The following EMP2 variants were observed in gnomAD, a reference collection of about 807,000 sequenced individuals.
EMP2 encodes epithelial membrane protein 2.
Under a neutral mutation model 13.7 loss-of-function variants are expected in EMP2, and 19 were observed. The ratio of observed to expected loss-of-function variants is 1.38; its 90% CI spans 0.97 to 2.03. The LOEUF is 2.03. EMP2 is among the 30% of genes most tolerant of loss of function. The pLI is 0.00. For synonymous variants in EMP2, 97 were observed against 84.7 expected, an observed-to-expected ratio of 1.15 and a Z score of -0.80; for missense variants, 253 against 220.7, an observed-to-expected ratio of 1.15 and a Z score of -0.93.
At chr16:10,558,115 G>A (rs1000649403) in intron 1 of EMP2, among the ~76,000 whole-genome samples, 5 of 150,758 alleles carry the variant, frequency 3.3e-5, no homozygotes, top group Non-Finnish European at 7.4e-5. Context: ...CGGCAACCTC[G>A]AACTTTTGGG....
Position 10,550,033 on chromosome 16 carries a change from G to A in EMP2, c.-60-2356C>T, listed in dbSNP as rs371062263. On this transcript the variant is annotated intron_variant, in intron 1 of 4. Transcript: ENST00000359543. ...CCTGAGTAGCTGGGACTACAGGCAC[G>A]TGTCACCACGCCCAGCTAATTTTTG... Among the ~76,000 whole-genome samples, 6 of 151,578 alleles carry A rather than the reference G, an allele frequency of 4.0e-5. No homozygotes were observed. In the East Asian group the frequency reaches 9.7e-4, roughly 24 times the overall value.
intron 1 of EMP2, among the ~76,000 whole-genome samples, chr16:10,555,759 G>T (rs2050823015): frequency 6.6e-6 from 1 of 151,966 alleles, no homozygotes; most frequent in South Asian, 2.1e-4. Context: ...GGCTAATTCT[G>T]TATTTTTAGT....
intron 1 of EMP2, among the ~76,000 whole-genome samples, chr16:10,572,934 A>G (rs115236864): frequency 0.013 from 2,021 of 152,322 alleles, 44 homozygotes; most frequent in African/African-American, 0.046. Flanking sequence ...CCAAAGACAA[A>G]TGTCCACTAT....
chr16:10,563,042 G>C (rs1371898485), intron 1 of EMP2, among the ~76,000 whole-genome samples: 1 of 152,136 alleles, frequency 6.6e-6, no homozygotes, highest in Non-Finnish European at 1.5e-5. Context: ...CTCGGGGTGA[G>C]GCAGGTGTCA....
intron 4 of EMP2, among the ~76,000 whole-genome samples, 174 bp from the exon 5 acceptor site, chr16:10,533,266 G>A (rs186119674): frequency 5.3e-4 from 81 of 152,296 alleles, no homozygotes; most frequent in Non-Finnish European, 1.0e-3. Context: ...TTGAACTCCT[G>A]AGCTCAAGCA....
At chr16:10,565,696 T>G (rs755434754) in intron 1 of EMP2, among the ~76,000 whole-genome samples, 4 of 151,988 alleles carry the variant, frequency 2.6e-5, no homozygotes, top group Non-Finnish European at 5.9e-5. Context: ...GGACTTGAGG[T>G]GGGGAGGGAT....
intron 3 of EMP2, among the ~76,000 whole-genome samples, chr16:10,539,753 T>C (rs557000513): frequency 1.3e-5 from 2 of 152,144 alleles, no homozygotes; most frequent in East Asian, 3.9e-4. Flanking sequence ...CAGCAGGCTC[T>C]ACTGAGATGA....
chr16:10,568,495 CA>C (rs1459588854), intron 1 of EMP2, among the ~76,000 whole-genome samples: 1 of 152,130 alleles, frequency 6.6e-6, no homozygotes, highest in Non-Finnish European at 1.5e-5. Flanking sequence ...CTTATTTTCC[CA>C]ACACCAAGAC....
intron 1 of EMP2, among the ~76,000 whole-genome samples, chr16:10,575,559 G>C (rs2050978763): frequency 6.6e-6 from 1 of 151,898 alleles, no homozygotes; most frequent in Admixed American, 6.6e-5. Context: ...TCTTGGACTT[G>C]TCACCCCCAT....
At chr16:10,579,817 T>A (rs1263783448) in intron 1 of EMP2, among the ~76,000 whole-genome samples, 1 of 151,994 alleles carries the variant, frequency 6.6e-6, no homozygotes, top group Non-Finnish European at 1.5e-5. Context: ...CCCTGTGGTG[T>A]CTTCGGAGTC....
rs1447878146 is a variant in EMP2, at chr16:10,580,012, T to C, written c.-61+537A>G. On this transcript the variant is annotated intron_variant, in intron 1 of 4. Transcript: ENST00000359543. The surrounding 1 kb of genome is among the most constrained non-coding windows in gnomAD (Gnocchi z 4.3). ...TCTAGAGTTGGCAGGGAGAGAGGTGTCATCCCAGCAGCGCCTCCCGGCTCC... is the reference window on the plus strand; with the variant it reads ...TCTAGAGTTGGCAGGGAGAGAGGTGCCATCCCAGCAGCGCCTCCCGGCTCC... 6.6e-6 allele frequency among the ~76,000 whole-genome samples: 1 copy of C among 152,130 alleles called. No homozygotes were observed. The highest frequency in any genetic ancestry group is 1.5e-5 in the Non-Finnish European group (1 of 68,006).
intron 1 of EMP2, among the ~76,000 whole-genome samples, chr16:10,553,271 C>T (rs2050801631): frequency 2.0e-5 from 3 of 152,378 alleles, no homozygotes; most frequent in Admixed American, 1.3e-4. Flanking sequence ...CCACGCTTCT[C>T]AGTTTCCTGT....
intron 4 of EMP2, 146 bp downstream of exon 4, chr16:10,537,778 ACACG>A: frequency 4.4e-6 from 4 of 916,060 alleles, no homozygotes; most frequent in Admixed American, 2.4e-5. Flanking sequence ...ACACACACAC[ACACG>A]CAAACACACA....
intron 2 of EMP2, 165 bp downstream of exon 2, chr16:10,547,375 C>T (rs1031660812): frequency 6.9e-6 from 5 of 721,890 alleles, no homozygotes; most frequent in Admixed American, 6.0e-5. Context: ...TCTGCAGAGG[C>T]CTCCCAGACA....
intron 3 of EMP2, among the ~76,000 whole-genome samples, chr16:10,540,982 G>A (rs546520779): frequency 2.0e-5 from 3 of 152,290 alleles, no homozygotes; most frequent in African/African-American, 7.2e-5. Flanking sequence ...CAGCTACTGG[G>A]GAGGCTGAGG....
rs945279078 is a variant in EMP2 at position 10,532,773 on chromosome 16, T to C, written c.*132A>G. 0.016 allele frequency: 5,918 copies of C among 372,924 alleles called. 722 individuals carry two copies. Among genetic ancestry groups the C allele is most frequent in the Middle Eastern group, 0.028 (31 of 1,120 alleles). 23.1% of individuals were successfully genotyped at this position (372,924 alleles called of 1,614,324 possible). On this transcript the variant is annotated 3_prime_UTR_variant, in exon 5 of 5. Coordinates refer to ENST00000359543, the MANE Select transcript of EMP2 (RefSeq NM_001424.6). ...TTTCTTTTTTCTTTTTTTTTTTTTT[T>C]TTTTTTTTTTTTTGGCTTTTAAAGG...
At chr16:10,569,049 AAG>A (rs2050929415) in intron 1 of EMP2, among the ~76,000 whole-genome samples, 1 of 152,004 alleles carries the variant, frequency 6.6e-6, no homozygotes, top group Non-Finnish European at 1.5e-5. Flanking sequence ...TGGCCTCCCA[AAG>A]GGTTGGGATT....
Position 10,536,014 on chromosome 16 carries a change from C to T in EMP2, c.316+1914G>A, listed in dbSNP as rs11860001. 3.8e-3 allele frequency among the ~76,000 whole-genome samples: 579 copies of T among 152,128 alleles called. 7 individuals carry two copies. Among genetic ancestry groups the T allele is most frequent in the East Asian group, 0.015 (75 of 5,164 alleles). On this transcript the variant is annotated intron_variant, in intron 4 of 4. Transcript: ENST00000359543. ...GGAGTCTGCACTTTAGAAAGGTCCCCGGAAGGACTGTGGTGGACTTGGGGG... is the reference window on the plus strand; with the variant it reads ...GGAGTCTGCACTTTAGAAAGGTCCCTGGAAGGACTGTGGTGGACTTGGGGG...
At chr16:10,550,935 AC>A (rs1255502332) in intron 1 of EMP2, among the ~76,000 whole-genome samples, 1 of 151,566 alleles carries the variant, frequency 6.6e-6, no homozygotes, top group Admixed American at 6.6e-5. Context: ...AGAACGCGCC[AC>A]TGCACTCCAG....
Sources: allele counts gnomAD v4.1 joint callset (sites outside exome capture counted in the v4.1 genomes callset), GRCh38; gene constraint gnomAD v4.1.1; non-coding constraint Gnocchi (gnomAD v3.1); transcripts MANE v1.5; gene names NCBI Gene and HGNC (gene_info 2026-07-23, HGNC 2026-07-21).